The following PRELID2 variants were observed in gnomAD, a reference collection of about 807,000 sequenced individuals.
PRELID2 encodes PRELI domain-containing protein 2.
PRELID2 carries 25 observed loss-of-function variants against 28.4 expected under a neutral mutation model. The ratio of observed to expected loss-of-function variants is 0.88; its 90% confidence interval spans 0.64 to 1.23. PRELID2 has a LOEUF of 1.23. Ranked by LOEUF, PRELID2 falls within the 50% of genes most tolerant of loss-of-function variation. The pLI is 0.00. For missense variants in PRELID2, 201 were observed against 214.4 expected (o/e 0.94, Z 0.39); for synonymous variants, 76 against 71.6 (o/e 1.06, Z -0.31).
intron 1 of PRELID2, among the ~76,000 whole-genome samples, chr5:145,716,815 T>G (rs1755856867): frequency 6.6e-6 from 1 of 152,212 alleles, no homozygotes; most frequent in South Asian, 2.1e-4. Context: ...AACACTGGTA[T>G]TGTCTTGTTT....
intron 5 of PRELID2, among the ~76,000 whole-genome samples, chr5:145,775,340 G>C (rs1420749613): frequency 1.3e-5 from 2 of 152,120 alleles, no homozygotes; most frequent in African/African-American, 4.8e-5. Context: ...TGTTTATAGG[G>C]TTTTCTCAAA....
At chr5:145,806,085 A>T (rs191218838) in intron 4 of PRELID2, among the ~76,000 whole-genome samples, 35 of 152,316 alleles carry the variant, frequency 2.3e-4, no homozygotes, top group Non-Finnish European at 4.3e-4. Flanking sequence ...GACTTTATAA[A>T]TACTGTACAC....
At chr5:145,440,548 G>A in the PRELID2 span, among the ~76,000 whole-genome samples, 7 of 152,098 alleles carry the variant, frequency 4.6e-5, no homozygotes, top group Non-Finnish European at 8.8e-5. Context: ...TAAGCACATG[G>A]AAAGTTCTTA....
intron 4 of PRELID2, among the ~76,000 whole-genome samples, chr5:145,803,874 G>T (rs543654143): frequency 7.9e-5 from 12 of 152,162 alleles, no homozygotes; most frequent in African/African-American, 2.9e-4. Context: ...GCAATGAAGG[G>T]AATGAACCCC....
chr5:145,556,693 C>T (rs1180834909), intron 1 of PRELID2, among the ~76,000 whole-genome samples: 2 of 152,222 alleles, frequency 1.3e-5, no homozygotes, highest in African/African-American at 4.8e-5. Flanking sequence ...AAAGAGCCGA[C>T]AAGGCCCAAT....
chr5:145,322,179 G>A, the PRELID2 span, among the ~76,000 whole-genome samples: 1 of 152,148 alleles, frequency 6.6e-6, no homozygotes, highest in Non-Finnish European at 1.5e-5. Context: ...TGAGAATAAG[G>A]TTAACCATAA....
intron 1 of PRELID2, among the ~76,000 whole-genome samples, chr5:145,699,272 C>G (rs1056155862): frequency 6.6e-6 from 1 of 152,000 alleles, no homozygotes; most frequent in Non-Finnish European, 1.5e-5. Context: ...GGAAGAGGAG[C>G]CTTGCTGCAA....
intron 1 of PRELID2, among the ~76,000 whole-genome samples, chr5:145,497,232 C>T (rs1365579170): frequency 1.3e-5 from 2 of 152,116 alleles, no homozygotes; most frequent in African/African-American, 4.8e-5. Context: ...GATTCCGTTC[C>T]AGTCATCCAC....
the PRELID2 span, among the ~76,000 whole-genome samples, chr5:145,257,769 A>G: frequency 2.0e-5 from 3 of 152,198 alleles, no homozygotes; most frequent in Admixed American, 2.0e-4. Context: ...AAATGGGTCA[A>G]TTAGACAAGA....
At chr5:145,390,818 C>T in the PRELID2 span, among the ~76,000 whole-genome samples, 1 of 152,174 alleles carries the variant, frequency 6.6e-6, no homozygotes, top group Non-Finnish European at 1.5e-5. Context: ...AAGTTAGTTA[C>T]TTCCTAGATA....
At chr5:145,623,510 T>C (rs1453138676) in intron 1 of PRELID2, among the ~76,000 whole-genome samples, 1 of 151,622 alleles carries the variant, frequency 6.6e-6, no homozygotes, top group Non-Finnish European at 1.5e-5. Flanking sequence ...AAAAACAATG[T>C]AGTGGCATTG....
intron 4 of PRELID2, among the ~76,000 whole-genome samples, chr5:145,801,233 C>T (rs1027880963): frequency 6.6e-6 from 1 of 152,142 alleles, no homozygotes; most frequent in African/African-American, 2.4e-5. Context: ...ATGGCTGTGC[C>T]TTTTAAACCA....
the PRELID2 span, among the ~76,000 whole-genome samples, chr5:145,444,098 T>C: frequency 6.6e-6 from 1 of 152,056 alleles, no homozygotes; most frequent in African/African-American, 2.4e-5. Flanking sequence ...TCATATCCTA[T>C]TTAGGAGAGG....
the PRELID2 span, among the ~76,000 whole-genome samples, chr5:145,417,837 A>G: frequency 6.6e-6 from 1 of 152,204 alleles, no homozygotes; most frequent in Non-Finnish European, 1.5e-5. Context: ...AAACCAGCAT[A>G]AGGCAAGGAT....
intron 1 of PRELID2, among the ~76,000 whole-genome samples, chr5:145,534,083 G>A (rs1212599574): frequency 1.3e-5 from 2 of 151,960 alleles, no homozygotes; most frequent in African/African-American, 2.4e-5. Context: ...CTTTATTGTA[G>A]TAAAAGGAAA....
intron 5 of PRELID2, among the ~76,000 whole-genome samples, chr5:145,779,582 C>A (rs2895642): frequency 0.83 from 125,435 of 151,680 alleles, 52,312 homozygotes; most frequent in East Asian, 0.95. Context: ...AACACTGTTT[C>A]ATTATGACTG....
the PRELID2 span, among the ~76,000 whole-genome samples, chr5:145,432,856 C>A: frequency 6.6e-6 from 1 of 151,968 alleles, no homozygotes; most frequent in Non-Finnish European, 1.5e-5. Context: ...AGAAAATAAC[C>A]CCAAACTTTT....
At chr5:145,289,804 A>T in the PRELID2 span, among the ~76,000 whole-genome samples, 1 of 152,140 alleles carries the variant, frequency 6.6e-6, no homozygotes, top group East Asian at 1.9e-4. Flanking sequence ...ATTCTACTAC[A>T]TGTATAGTGG....
chr5:145,563,341 T>C (rs1053576269), intron 1 of PRELID2, among the ~76,000 whole-genome samples: 1 of 152,128 alleles, frequency 6.6e-6, no homozygotes, highest in Non-Finnish European at 1.5e-5. Flanking sequence ...AGATTCCTGG[T>C]GACTAAATGT....
Sources: gnomAD v4.1 joint callset for allele counts (sites outside exome capture counted in the v4.1 genomes callset) on GRCh38, gnomAD v4.1.1 for gene constraint, MANE v1.5 for transcripts, NCBI Gene and HGNC (gene_info 2026-07-23, HGNC 2026-07-21) for gene names.